The following DIAPH2 variants were observed in gnomAD, a reference collection of about 807,000 sequenced individuals.
DIAPH2 encodes diaphanous related formin 2.
Under a neutral mutation model 92.7 loss-of-function variants are expected in DIAPH2, and 35 were observed. That is an observed-to-expected ratio of 0.38 (90% CI 0.29 to 0.50). DIAPH2 has a LOEUF of 0.50. Among genes scored for constraint, DIAPH2 ranks in the 20% least tolerant of loss-of-function variants. The probability of loss-of-function intolerance (pLI) is 0.94; values close to 1 mark genes in which losing one functional copy is unlikely to be tolerated. For synonymous variants in DIAPH2, 301 were observed against 280.4 expected (o/e 1.07, Z -0.73); for missense variants, 701 against 819.5 (o/e 0.86, Z 1.77).
chrX:97,367,359 C>G (rs2069390439), intron 24 of DIAPH2, among the ~76,000 whole-genome samples: 1 of 111,862 alleles, frequency 8.9e-6, no homozygotes, highest in African/African-American at 3.2e-5. Flanking sequence ...AGCTGGCATA[C>G]TCATCTACAG....
At chrX:96,784,536 G>A (rs1274666069) in intron 4 of DIAPH2, among the ~76,000 whole-genome samples, 1 of 111,882 alleles carries the variant, frequency 8.9e-6, no homozygotes, top group Non-Finnish European at 1.9e-5. Flanking sequence ...AATTAAATGA[G>A]TGAAGTAAAA....
In DIAPH2 at chrX:96,912,473, T is replaced by C. The variant is rs1323082700; in HGVS notation, c.663-10T>C. The C allele has an allele frequency of 1.7e-6, 2 of 1,199,534 alleles. No individual in the cohort carries two copies. The highest frequency in any genetic ancestry group is 1.8e-5 in the African/African-American group (1 of 56,654). On this transcript the variant is annotated splice_polypyrimidine_tract_variant and intron_variant, in intron 6 of 26. Transcript: ENST00000324765. ...CAGCACAACATAATATACATTTTTC[T>C]TTTATTTAGGCAAGAAAATATTGAC...
intron 16 of DIAPH2, among the ~76,000 whole-genome samples, chrX:96,958,394 C>G (rs985568891): frequency 8.0e-5 from 9 of 112,045 alleles, no homozygotes; most frequent in Non-Finnish European, 1.5e-4. Context: ...AATATACCAA[C>G]AAATGACAAG....
At chrX:96,913,342 T>C (rs1253306929) in intron 7 of DIAPH2, among the ~76,000 whole-genome samples, 1 of 111,739 alleles carries the variant, frequency 8.9e-6, no homozygotes, top group Admixed American at 9.5e-5. Context: ...ATACTAAATG[T>C]TCAGAAAACA....
At chrX:97,210,436 GA>G (rs1197217649) in intron 22 of DIAPH2, among the ~76,000 whole-genome samples, 1 of 111,490 alleles carries the variant, frequency 9.0e-6, no homozygotes, top group African/African-American at 3.3e-5. Context: ...AAAATGTCTT[GA>G]GTTAAGTACA....
chrX:96,942,941 C>T (rs2065714434), intron 13 of DIAPH2, among the ~76,000 whole-genome samples: 1 of 111,935 alleles, frequency 8.9e-6, no homozygotes, highest in Admixed American at 9.4e-5. Flanking sequence ...AAGGCAGATA[C>T]ACAGTAACAT....
chrX:97,239,933 G>A (rs1027014498), intron 22 of DIAPH2, among the ~76,000 whole-genome samples: 2 of 109,933 alleles, frequency 1.8e-5, no homozygotes, highest in South Asian at 8.1e-4. Context: ...ATTAGAAGTA[G>A]TGTAGGCAAA....
chrX:97,255,386 A>G (rs1453490230), intron 23 of DIAPH2, among the ~76,000 whole-genome samples: 1 of 111,932 alleles, frequency 8.9e-6, no homozygotes, highest in East Asian at 2.8e-4. Context: ...CTGTATTTTT[A>G]TAACATTTTA....
intron 5 of DIAPH2, among the ~76,000 whole-genome samples, chrX:96,892,181 G>A (rs191843107): frequency 3.0e-4 from 33 of 111,562 alleles, no homozygotes; most frequent in Non-Finnish European, 5.3e-4. Flanking sequence ...TATAAAGGTA[G>A]GTACAGATCA....
At chrX:97,457,364 A>G (rs1172258241) in intron 26 of DIAPH2, among the ~76,000 whole-genome samples, 1 of 112,847 alleles carries the variant, frequency 8.9e-6, no homozygotes, top group Admixed American at 9.3e-5. Flanking sequence ...AACAAAGTTG[A>G]TTCATTATTA....
chrX:97,240,600 C>A (rs1310587959), intron 22 of DIAPH2, among the ~76,000 whole-genome samples: 7 of 90,614 alleles, frequency 7.7e-5, no homozygotes, highest in African/African-American at 3.1e-4. Context: ...AGCAAGACTG[C>A]ATCTCAAAAA....
chrX:97,045,848 ATTT>A (rs758666786), intron 17 of DIAPH2, among the ~76,000 whole-genome samples: 11 of 64,409 alleles, frequency 1.7e-4, no homozygotes, highest in East Asian at 9.3e-4. Flanking sequence ...GTATTTTAGG[ATTT>A]TTTTTTTTTT....
chrX:97,423,819 A>G (rs998881773), intron 25 of DIAPH2, among the ~76,000 whole-genome samples: 1 of 111,857 alleles, frequency 8.9e-6, no homozygotes, highest in African/African-American at 3.2e-5. Context: ...TAAAAAACAC[A>G]TTTTTTGCAC....
chrX:96,919,962 G>T (rs1295129051), intron 9 of DIAPH2, among the ~76,000 whole-genome samples: 1 of 109,118 alleles, frequency 9.2e-6, no homozygotes, highest in Non-Finnish European at 1.9e-5. Context: ...TCAGCTTGCG[G>T]CAACCTCTGC....
intron 22 of DIAPH2, among the ~76,000 whole-genome samples, chrX:97,241,806 T>G (rs1186225040): frequency 2.5e-4 from 22 of 86,319 alleles, no homozygotes; most frequent in African/African-American, 7.5e-4. Flanking sequence ...AGACGGAGTC[T>G]CACTCTTTTG....
chrX:96,990,930 G>T (rs1028612101), intron 17 of DIAPH2, among the ~76,000 whole-genome samples: 1 of 110,717 alleles, frequency 9.0e-6, no homozygotes, highest in Admixed American at 9.7e-5. Flanking sequence ...CTCAGTGAAT[G>T]ATGTAATTTT....
chrX:97,478,850 T>A (rs1356885869), intron 26 of DIAPH2, among the ~76,000 whole-genome samples: 1 of 112,195 alleles, frequency 8.9e-6, no homozygotes, highest in Non-Finnish European at 1.9e-5. Context: ...TTCTGTTAAA[T>A]CTTTAGTTAG....
At chrX:97,186,297 C>T (rs1352712015) in intron 22 of DIAPH2, among the ~76,000 whole-genome samples, 2 of 111,087 alleles carry the variant, frequency 1.8e-5, no homozygotes, top group Non-Finnish European at 3.8e-5. Context: ...ACAAGAAATG[C>T]CTGCAACTAA....
chrX:97,093,639 CAAAAT>C (rs969990420), intron 19 of DIAPH2, among the ~76,000 whole-genome samples: 4 of 111,154 alleles, frequency 3.6e-5, no homozygotes, highest in African/African-American at 1.0e-4. Context: ...AGGACATAAA[CAAAAT>C]AAAAGGTAAA....
Sources: allele counts gnomAD v4.1 joint callset (sites outside exome capture counted in the v4.1 genomes callset), GRCh38; gene constraint gnomAD v4.1.1; transcripts MANE v1.5; gene names NCBI Gene and HGNC (gene_info 2026-07-23, HGNC 2026-07-21).